ZNF487: variants seen among roughly 807,000 people sequenced by gnomAD.
ZNF487 encodes the protein zinc finger protein 487.
A neutral mutation model predicts 3.0 loss-of-function variants in ZNF487; 4 were observed. The observed-to-expected ratio is 1.35, with a 90% CI of 0.66 to 3.08. The LOEUF is 3.08. Ranked by LOEUF, ZNF487 falls within the 30% of genes most tolerant of loss-of-function variation. The pLI, the probability that ZNF487 is intolerant of heterozygous loss-of-function variation, is 0.01. For missense variants in ZNF487, 146 were observed against 98.7 expected, an observed-to-expected ratio of 1.48 and a Z score of -2.03; for synonymous variants, 55 against 34.6, an observed-to-expected ratio of 1.59 and a Z score of -2.06.
chr10:43,483,279 T>A, downstream of ZNF487: 1 of 370,012 alleles, frequency 2.7e-6, no homozygotes. Context: ...TCGCTCTTAT[T>A]GCCCAGGCTG....
chr10:43,487,222 C>T (rs1482107792), downstream of ZNF487, among the ~76,000 whole-genome samples: 1 of 150,360 alleles, frequency 6.7e-6, no homozygotes, highest in Non-Finnish European at 1.5e-5. Context: ...TCACTGCAAC[C>T]TCCGCCTTCC....
intron 1 of ZNF487, among the ~76,000 whole-genome samples, chr10:43,473,927 A>T (rs1042455097): frequency 2.0e-5 from 3 of 152,120 alleles, no homozygotes; most frequent in Non-Finnish European, 4.4e-5. Context: ...TGGGAGGCTG[A>T]GGCAAGCAGA....
intron 3 of ZNF487, among the ~76,000 whole-genome samples, chr10:43,477,577 A>G (rs7914140): frequency 0.66 from 100,028 of 151,642 alleles, 34,499 homozygotes; most frequent in Non-Finnish European, 0.76. Flanking sequence ...GCTAAAAGAA[A>G]GTAATACTTG....
chr10:43,449,229 G>A (rs2132054455), intron 1 of ZNF487, among the ~76,000 whole-genome samples: 1 of 151,536 alleles, frequency 6.6e-6, no homozygotes, highest in East Asian at 2.0e-4. Flanking sequence ...AACCTGGGAG[G>A]CGAAGGTTGC....
At chr10:43,452,526 A>AT (rs57384908) in intron 1 of ZNF487, 21 of 151,326 alleles carry the variant, frequency 1.4e-4, no homozygotes, top group South Asian at 4.2e-4. Context: ...TAATTTTTTA[A>AT]TTTTTTTTTT....
At chr10:43,441,579 G>C (rs1839612317) in intron 1 of ZNF487, among the ~76,000 whole-genome samples, 1 of 146,542 alleles carries the variant, frequency 6.8e-6, no homozygotes, top group Non-Finnish European at 1.5e-5. Context: ...TTTTTGTAGA[G>C]ACAGGGTTTT....
At chr10:43,497,983 G>GATAGATATATAT in the ZNF487 span, among the ~76,000 whole-genome samples, 4 of 130,390 alleles carry the variant, frequency 3.1e-5, no homozygotes, top group African/African-American at 8.9e-5. Flanking sequence ...AAAGAAAAAA[G>GATAGATATATAT]ATATATATAT....
At chr10:43,478,624 T>G (rs1464387084) in intron 3 of ZNF487, among the ~76,000 whole-genome samples, 1 of 151,674 alleles carries the variant, frequency 6.6e-6, no homozygotes. Flanking sequence ...GAGGCTGAAG[T>G]GGGAGGATCG....
chr10:43,515,870 G>T, the ZNF487 span, among the ~76,000 whole-genome samples: 1 of 152,112 alleles, frequency 6.6e-6, no homozygotes, highest in Admixed American at 6.5e-5. Flanking sequence ...TGCCTCCAGG[G>T]TTCAAGTGAT....
At chr10:43,481,236 T>G (rs1477537067) in intron 3 of ZNF487, among the ~76,000 whole-genome samples, 193 bp from the exon 4 acceptor site, 1 of 151,136 alleles carries the variant, frequency 6.6e-6, no homozygotes, top group Non-Finnish European at 1.5e-5. Flanking sequence ...GAAGCTGAGG[T>G]GGGAGCATCA....
intron 1 of ZNF487, among the ~76,000 whole-genome samples, chr10:43,449,766 G>A (rs1044462578): frequency 1.4e-4 from 21 of 150,182 alleles, no homozygotes; most frequent in African/African-American, 4.7e-4. Context: ...TGTAACCTCC[G>A]CCTCCTGTGT....
chr10:43,446,563 G>C (rs1285487153), intron 1 of ZNF487, among the ~76,000 whole-genome samples: 1 of 150,324 alleles, frequency 6.7e-6, no homozygotes, highest in South Asian at 2.1e-4. Context: ...CAGACGGGGC[G>C]GCCGGGCAGA....
At chr10:43,438,265 A>G (rs1245485306) in intron 1 of ZNF487, among the ~76,000 whole-genome samples, 2 of 151,998 alleles carry the variant, frequency 1.3e-5, no homozygotes, top group Non-Finnish European at 2.9e-5. Flanking sequence ...GGCTCACTGA[A>G]ACCTCCACCT....
chr10:43,479,970 C>CTTTCTTTTCT (rs1564428676), intron 3 of ZNF487, among the ~76,000 whole-genome samples: 1 of 54,142 alleles, frequency 1.8e-5, no homozygotes, highest in East Asian at 4.7e-4. Context: ...TTCTTTCTTT[C>CTTTCTTTTCT]TTTTCTTTCT....
At chr10:43,448,364 T>C (rs1839889285) in intron 1 of ZNF487, among the ~76,000 whole-genome samples, 1 of 152,082 alleles carries the variant, frequency 6.6e-6, no homozygotes, top group African/African-American at 2.4e-5. Flanking sequence ...TCCCTGTTAC[T>C]CAATTCGTCT....
At chr10:43,481,372 T>G in intron 3 of ZNF487, 57 bp from the exon 4 acceptor site, 1 of 658,728 alleles carries the variant, frequency 1.5e-6, no homozygotes, top group Non-Finnish European at 2.7e-6. Flanking sequence ...ATATGTCTCT[T>G]TTTCATGAAA....
intron 1 of ZNF487, among the ~76,000 whole-genome samples, chr10:43,438,529 T>C (rs56275379): frequency 0.09 from 13,696 of 152,172 alleles, 770 homozygotes; most frequent in Non-Finnish European, 0.12. Flanking sequence ...TTGGTAAGAA[T>C]GTAAAATGGT....
the ZNF487 span, among the ~76,000 whole-genome samples, chr10:43,492,497 G>A: frequency 1.3e-5 from 2 of 151,266 alleles, no homozygotes; most frequent in Admixed American, 1.3e-4. Flanking sequence ...TATCGCCCAG[G>A]CTGGAGTGTA....
intron 1 of ZNF487, among the ~76,000 whole-genome samples, chr10:43,460,126 C>T (rs4948726): frequency 0.31 from 46,710 of 151,514 alleles, 8,864 homozygotes; most frequent in African/African-American, 0.54. Context: ...ATTTTTTTAG[C>T]TAATAGACCA....
Sources: allele counts gnomAD v4.1 joint callset (sites outside exome capture counted in the v4.1 genomes callset), GRCh38; gene constraint gnomAD v4.1.1; transcripts MANE v1.5; gene names NCBI Gene and HGNC (gene_info 2026-07-23, HGNC 2026-07-21).